Variants in WDR7 observed in about 807,000 individuals in gnomAD.
The protein encoded by WDR7 is WD repeat-containing protein 7.
WDR7 carries 46 observed loss-of-function variants against 169.4 expected under a neutral mutation model. The ratio of observed to expected loss-of-function variants is 0.27; its 90% CI spans 0.21 to 0.35. WDR7 has a LOEUF of 0.35. WDR7 is among the 10% of genes least tolerant of loss of function. The probability of loss-of-function intolerance (pLI) is 1.00; values close to 1 mark genes in which losing one functional copy is unlikely to be tolerated. For missense variants in WDR7, 1,534 were observed against 1,859.3 expected (o/e 0.83, Z 3.22); for synonymous variants, 612 against 666.8 (o/e 0.92, Z 1.27).
At chr18:56,779,823 T>C (rs1432335240) in intron 18 of WDR7, among the ~76,000 whole-genome samples, 3 of 152,230 alleles carry the variant, frequency 2.0e-5, no homozygotes, top group Non-Finnish European at 4.4e-5. Context: ...GTTTGGTTTC[T>C]GTACGGATCA....
At chr18:56,862,711 C>T (rs2045825268) in intron 20 of WDR7, among the ~76,000 whole-genome samples, 3 of 151,810 alleles carry the variant, frequency 2.0e-5, no homozygotes, top group South Asian at 4.1e-4. Context: ...GCATCTTAAA[C>T]ATTTGCATGC....
chr18:56,671,526 C>T (rs919696928), intron 1 of WDR7, among the ~76,000 whole-genome samples: 2 of 152,194 alleles, frequency 1.3e-5, no homozygotes, highest in Non-Finnish European at 2.9e-5. Context: ...CCACCTTGGC[C>T]TCCCAAAGTG....
intron 19 of WDR7, among the ~76,000 whole-genome samples, chr18:56,810,786 A>C (rs1455781053): frequency 6.6e-6 from 1 of 152,178 alleles, no homozygotes; most frequent in Admixed American, 6.5e-5. Flanking sequence ...CTTTATTGAC[A>C]CGTAATTCAC....
At chr18:56,702,152 A>C (rs942948402) in intron 12 of WDR7, among the ~76,000 whole-genome samples, 1 of 152,212 alleles carries the variant, frequency 6.6e-6, no homozygotes, top group Non-Finnish European at 1.5e-5. Flanking sequence ...GTGCTGCGGC[A>C]GGAAACTTCC....
chr18:56,873,495 G>C (rs2045981111), intron 20 of WDR7: 1 of 152,190 alleles, frequency 6.6e-6, no homozygotes, highest in Non-Finnish European at 1.5e-5. Flanking sequence ...AAGAAGGTGG[G>C]GGACCAGGGA....
intron 20 of WDR7, among the ~76,000 whole-genome samples, chr18:56,843,695 A>G (rs1413865934): frequency 6.6e-6 from 1 of 152,060 alleles, no homozygotes; most frequent in Non-Finnish European, 1.5e-5. Context: ...GGTACACAGG[A>G]TTGGATTTGT....
intron 25 of WDR7, among the ~76,000 whole-genome samples, chr18:56,940,929 T>C (rs987747986): frequency 2.0e-5 from 3 of 152,202 alleles, no homozygotes; most frequent in African/African-American, 7.2e-5. Flanking sequence ...GCACTTTTGT[T>C]TCCTATTATG....
intron 14 of WDR7, among the ~76,000 whole-genome samples, chr18:56,750,051 A>G (rs973342002): frequency 8.6e-5 from 13 of 151,782 alleles, no homozygotes; most frequent in Non-Finnish European, 1.8e-4. Context: ...TTATGTGCCA[A>G]AAAATATCCA....
chr18:56,901,314 A>G (rs1369278550), intron 21 of WDR7, among the ~76,000 whole-genome samples: 2 of 152,208 alleles, frequency 1.3e-5, no homozygotes, highest in Non-Finnish European at 2.9e-5. Flanking sequence ...TTGAAAGGAC[A>G]ATCCAGAAAT....
intron 14 of WDR7, among the ~76,000 whole-genome samples, chr18:56,746,947 G>A (rs1205844233): frequency 6.6e-6 from 1 of 152,170 alleles, no homozygotes; most frequent in Non-Finnish European, 1.5e-5. Flanking sequence ...AGTGAGGGGA[G>A]AATTACCCCT....
Position 56,850,051 on chromosome 18 carries a change from A to G in WDR7, c.3305-29893A>G, listed in dbSNP as rs535376914. 1.5e-3 allele frequency among the ~76,000 whole-genome samples: 226 copies of G among 152,122 alleles called. 2 individuals carry two copies. The highest frequency in any genetic ancestry group is 4.9e-3 in the African/African-American group (204 of 41,504). ...TCATGAATGTGGCCAAGTCTGTTCC[A>G]GTTTTAGGAGCTTGACACTGTTTCC... On this transcript the variant is annotated intron_variant, in intron 20 of 27. Coordinates refer to ENST00000254442, the MANE Select transcript of WDR7 (RefSeq NM_015285.3).
chr18:56,991,392 G>A lies in WDR7; in HGVS notation c.4164+28863G>A, dbSNP rs1380025866. On this transcript the variant is annotated intron_variant, in intron 26 of 27. Coordinates refer to ENST00000254442, the MANE Select transcript of WDR7 (RefSeq NM_015285.3). Reference sequence around the variant, plus strand: ...GATCTTCTGACCTCGTGATCCGCCTGCCTTGGCCTCCCAAAGTGCTAGGAT... The same window carrying A: ...GATCTTCTGACCTCGTGATCCGCCTACCTTGGCCTCCCAAAGTGCTAGGAT... Among the ~76,000 whole-genome samples the A allele has an allele frequency of 5.3e-5, 8 of 152,146 alleles. No homozygotes were observed. In the South Asian group the frequency reaches 8.3e-4, roughly 16 times the overall value.
In WDR7 at chr18:56,857,984, CTTCTT is replaced by C. The variant is rs113305102; in HGVS notation, c.3305-21956_3305-21952del. On this transcript the variant is annotated intron_variant, in intron 20 of 27. Coordinates refer to ENST00000254442, the MANE Select transcript of WDR7 (RefSeq NM_015285.3). ...CATTCTCTGCTTGGTCCCCTCCTCT[CTTCTT>C]TTCCTTGTTACACTCATCATTACCT... 9.9e-4 allele frequency among the ~76,000 whole-genome samples: 150 copies of C among 152,244 alleles called. 1 individual carries two copies. The highest frequency in any genetic ancestry group is 3.2e-3 in the African/African-American group (135 of 41,552).
At chr18:56,742,960 G>T (rs576614478) in intron 14 of WDR7, among the ~76,000 whole-genome samples, 3 of 152,020 alleles carry the variant, frequency 2.0e-5, no homozygotes, top group Non-Finnish European at 4.4e-5. Context: ...AATTAGCTTC[G>T]TAACCCTACT....
chr18:56,782,459 TATTG>T (rs2044332327), intron 19 of WDR7, among the ~76,000 whole-genome samples: 1 of 152,106 alleles, frequency 6.6e-6, no homozygotes, highest in African/African-American at 2.4e-5. Flanking sequence ...CTCTTAATTA[TATTG>T]ATTAAAAAAT....
chr18:56,829,620 G>T (rs1310912597), intron 20 of WDR7, among the ~76,000 whole-genome samples: 1 of 152,080 alleles, frequency 6.6e-6, no homozygotes, highest in Non-Finnish European at 1.5e-5. Context: ...AATAACAAAA[G>T]ACAGTTATTG....
intron 26 of WDR7, among the ~76,000 whole-genome samples, chr18:56,988,315 A>G (rs763156555): frequency 1.3e-5 from 2 of 152,232 alleles, no homozygotes; most frequent in Non-Finnish European, 1.5e-5. Context: ...TAAACATACC[A>G]CATTGCTGCT....
intron 12 of WDR7, among the ~76,000 whole-genome samples, chr18:56,713,993 G>T (rs1433008669): frequency 6.6e-6 from 1 of 152,176 alleles, no homozygotes; most frequent in East Asian, 1.9e-4. Context: ...AATATGAAAT[G>T]TTGCTTGAAT....
chr18:56,790,842 T>C (rs148844920), intron 19 of WDR7, among the ~76,000 whole-genome samples: 1,583 of 152,144 alleles, frequency 0.01, 14 homozygotes, highest in Non-Finnish European at 0.013. Context: ...GCACCTCTAG[T>C]ACACAAACAT....
Sources: gnomAD v4.1 joint callset for allele counts (sites outside exome capture counted in the v4.1 genomes callset) on GRCh38, gnomAD v4.1.1 for gene constraint, MANE v1.5 for transcripts, NCBI Gene and HGNC (gene_info 2026-07-23, HGNC 2026-07-21) for gene names.